The following CRYGN variants were observed in gnomAD, a reference collection of about 807,000 sequenced individuals.
CRYGN encodes gamma-crystallin N.
In CRYGN, 17 loss-of-function variants were observed where a neutral mutation model predicts 19.2. That is an observed-to-expected ratio of 0.89 (90% CI 0.61 to 1.33). CRYGN has a LOEUF of 1.33. Among genes scored for constraint, CRYGN ranks in the 40% most tolerant of loss-of-function variants. CRYGN has a pLI of 0.00. For synonymous variants in CRYGN, 84 were observed against 85.8 expected, an observed-to-expected ratio of 0.98 and a Z score of 0.12; for missense variants, 239 against 239.6, an observed-to-expected ratio of 1.00 and a Z score of 0.02.
rs1801568178 is a variant in CRYGN at position 151,435,059 on chromosome 7, G to A, written c.416+1121C>T. Among the ~76,000 whole-genome samples, 1 of 152,248 alleles carries A rather than the reference G, an allele frequency of 6.6e-6. No individual in the cohort carries two copies. Among genetic ancestry groups the A allele is most frequent in the African/African-American group, 2.4e-5 (1 of 41,460 alleles). ...CTGTGCGGTTGGAGCCCATGGACAT[G>A]GGGTACCACCTGTGCCCAGCTCTGC... On this transcript the variant is annotated intron_variant, in intron 3 of 3. Transcript: ENST00000337323. The surrounding 1 kb of genome is among the most constrained non-coding windows in gnomAD (Gnocchi z 4.2).
rs547847151 is a variant in CRYGN at position 151,436,507 on chromosome 7, G to A, written c.271-182C>T. ...CACATGAGATGTGGTTGGAAGAAAG[G>A]GTTCTATTACTCTGAAAATGTTCCA... On this transcript the variant is annotated intron_variant, in intron 2 of 3. Coordinates refer to ENST00000337323, the MANE Select transcript of CRYGN (RefSeq NM_144727.3). This position sits in a 1 kb window ranked among gnomAD's most constrained non-coding sequence, Gnocchi z 5.1. Among the ~76,000 whole-genome samples the A allele has an allele frequency of 3.0e-4, 46 of 152,194 alleles. No homozygotes were observed. The highest frequency in any genetic ancestry group is 1.0e-3 in the African/African-American group (43 of 41,516).
In CRYGN at chr7:151,436,346, G is replaced by C. The variant is rs1457312710; in HGVS notation, c.271-21C>G. The C allele has an allele frequency of 2.0e-6, 3 of 1,501,368 alleles. No homozygotes were observed. The South Asian group carries it at 4.0e-5, about 20-fold the overall frequency. 93.0% of individuals were successfully genotyped at this position (1,501,368 alleles called of 1,614,324 possible). The stretch of plus-strand genomic sequence containing the variant: ...CCGTGCTCCAAGACCAAGCAAAAAA[G>C]AAGGAAAGAAGGAGGTTGCTGTGAA... On this transcript the variant is annotated intron_variant, in intron 2 of 3. Coordinates refer to ENST00000337323, the MANE Select transcript of CRYGN (RefSeq NM_144727.3). This position sits in a 1 kb window ranked among gnomAD's most constrained non-coding sequence, Gnocchi z 5.1.
At chr7:151,437,871 C>T in intron 2 of CRYGN, 125 bp downstream of exon 2, 1 of 1,549,250 alleles carries the variant, frequency 6.5e-7, no homozygotes, top group Non-Finnish European at 8.7e-7. Flanking sequence ...GGTATAGCTC[C>T]TTCAGTCTTA....
intron 1 of CRYGN, among the ~76,000 whole-genome samples, chr7:151,439,590 G>A (rs1801708516): frequency 6.6e-6 from 1 of 152,154 alleles, no homozygotes; most frequent in East Asian, 1.9e-4. Flanking sequence ...GGGGCGGAGG[G>A]CTGTGGGACA....
rs922189330 is a variant in CRYGN, at chr7:151,431,836, G to A, written c.417-1656C>T. The A allele has an allele frequency of 3.4e-5, 7 of 206,542 alleles. No individual in the cohort carries two copies. The highest frequency in any genetic ancestry group is 6.7e-5 in the Non-Finnish European group (7 of 103,736). 12.8% of individuals were successfully genotyped at this position (206,542 alleles called of 1,614,324 possible). On this transcript the variant is annotated intron_variant, in intron 3 of 3. Transcript: ENST00000337323. This position sits in a 1 kb window ranked among gnomAD's most constrained non-coding sequence, Gnocchi z 4.8. ...GCCTCACCTTGCCGAGTCACAGAGA[G>A]GCAGAGCCCCAAGCGAGCCTGGGGA...
chr7:151,433,220 GC>G lies in CRYGN; in HGVS notation c.416+2959del, dbSNP rs1201027598. On this transcript the variant is annotated intron_variant, in intron 3 of 3. Transcript: ENST00000337323. This position sits in a 1 kb window ranked among gnomAD's most constrained non-coding sequence, Gnocchi z 5.1. Reference sequence around the variant, plus strand: ...CCTGGAGGACCTCGGGCTGGTGGGGGCAGGAGAGAACACAGCTCTTCATCAC... The same window carrying G: ...CCTGGAGGACCTCGGGCTGGTGGGGGAGGAGAGAACACAGCTCTTCATCAC... Among the ~76,000 whole-genome samples the G allele has an allele frequency of 2.0e-5, 3 of 152,248 alleles. No homozygotes were observed. The highest frequency in any genetic ancestry group is 7.2e-5 in the African/African-American group (3 of 41,466).
rs542873494 is a variant in CRYGN, at chr7:151,430,824, G to A, written c.417-644C>T. Among the ~76,000 whole-genome samples, 6 of 152,304 alleles carry A rather than the reference G, an allele frequency of 3.9e-5. No homozygotes were observed. The highest frequency in any genetic ancestry group is 2.1e-4 in the South Asian group (1 of 4,824). On this transcript the variant is annotated intron_variant, in intron 3 of 3. Transcript: ENST00000337323. The surrounding 1 kb of genome is among the most constrained non-coding windows in gnomAD (Gnocchi z 5.2). ...GGACCCGGGAACTGAGAGGCCAGTCGGGAGCCAGTTGGTTGGGGGGACTCT... is the reference window on the plus strand; with the variant it reads ...GGACCCGGGAACTGAGAGGCCAGTCAGGAGCCAGTTGGTTGGGGGGACTCT...
chr7:151,433,307 A>G lies in CRYGN; in HGVS notation c.416+2873T>C, dbSNP rs1801516042. Reference sequence around the variant, plus strand: ...AGGTGCGGTGGGGAGGGAACGGGGGACCAGGAGGAAGGGACTGGAGGTCCA... The same window carrying G: ...AGGTGCGGTGGGGAGGGAACGGGGGGCCAGGAGGAAGGGACTGGAGGTCCA... On this transcript the variant is annotated intron_variant, in intron 3 of 3. Coordinates refer to ENST00000337323, the MANE Select transcript of CRYGN (RefSeq NM_144727.3). The surrounding 1 kb of genome is among the most constrained non-coding windows in gnomAD (Gnocchi z 5.1). 6.6e-6 allele frequency among the ~76,000 whole-genome samples: 1 copy of G among 152,164 alleles called. No homozygotes were observed. Among genetic ancestry groups the G allele is most frequent in the Non-Finnish European group, 1.5e-5 (1 of 68,012 alleles).
Position 151,431,010 on chromosome 7 carries a change from T to C in CRYGN, c.417-830A>G, listed in dbSNP as rs1328362254. Among the ~76,000 whole-genome samples, 3 of 152,186 alleles carry C rather than the reference T, an allele frequency of 2.0e-5. No homozygotes were observed. The highest frequency in any genetic ancestry group is 7.2e-5 in the African/African-American group (3 of 41,448). The stretch of plus-strand genomic sequence containing the variant: ...AGGCCATGTGGACATCTTTGGGGTC[T>C]CCATGTCCAGGAGCCCCCATGCTCA... On this transcript the variant is annotated intron_variant, in intron 3 of 3. Coordinates refer to ENST00000337323, the MANE Select transcript of CRYGN (RefSeq NM_144727.3). The surrounding 1 kb of genome is among the most constrained non-coding windows in gnomAD (Gnocchi z 4.8).
chr7:151,436,416 G>T lies in CRYGN; in HGVS notation c.271-91C>A. 1 of 1,324,526 alleles carries T rather than the reference G, an allele frequency of 7.5e-7. No homozygotes were observed. Among genetic ancestry groups the T allele is most frequent in the Non-Finnish European group, 1.0e-6 (1 of 993,894 alleles). The allele number at this position is 1,324,526 out of a possible 1,614,324, so 82.0% of individuals were successfully genotyped here. On this transcript the variant is annotated intron_variant, in intron 2 of 3. Coordinates refer to ENST00000337323, the MANE Select transcript of CRYGN (RefSeq NM_144727.3). This position sits in a 1 kb window ranked among gnomAD's most constrained non-coding sequence, Gnocchi z 5.1. ...GAAGCCCCATGCAGGAAGGAATTAG[G>T]AGGTACCCAAGGCACTGGGCACCCC...
intron 2 of CRYGN, 29 bp downstream of exon 2, chr7:151,437,967 C>T (rs376098544): frequency 1.1e-5 from 18 of 1,609,468 alleles, no homozygotes; most frequent in Non-Finnish European, 1.4e-5. Context: ...AGCAGGAAGA[C>T]TCAGCCTTCG....
chr7:151,437,906 C>G, intron 2 of CRYGN, 90 bp downstream of exon 2: 1 of 1,594,430 alleles, frequency 6.3e-7, no homozygotes, highest in African/African-American at 1.3e-5. Flanking sequence ...GGGAGGACCA[C>G]GCTCCCCGAT....
At position 151,430,538 on chromosome 7, in the gene CRYGN, C is replaced by T. The variant is rs1801439825; in HGVS notation, c.417-358G>A. On this transcript the variant is annotated intron_variant, in intron 3 of 3. Transcript: ENST00000337323. This position sits in a 1 kb window ranked among gnomAD's most constrained non-coding sequence, Gnocchi z 5.2. ...CAGCCATCCCCTGGCCCACCACACT[C>T]AGGCCACCACACTGTGCGACAGAAT... 6.6e-6 allele frequency among the ~76,000 whole-genome samples: 1 copy of T among 152,142 alleles called. No individual in the cohort carries two copies. Among genetic ancestry groups the T allele is most frequent in the Non-Finnish European group, 1.5e-5 (1 of 68,030 alleles).
Position 151,435,341 on chromosome 7 carries a change from C to G in CRYGN, c.416+839G>C, listed in dbSNP as rs1488584458. Among the ~76,000 whole-genome samples, 3 of 152,228 alleles carry G rather than the reference C, an allele frequency of 2.0e-5. No individual in the cohort carries two copies. The highest frequency in any genetic ancestry group is 1.3e-4 in the Admixed American group (2 of 15,284). Reference sequence around the variant, plus strand: ...GCTGCAGTCTCAGCTGTGCCACTCCCACGGGGCGGCCGGGCAGTCAGCCTT... The same window carrying G: ...GCTGCAGTCTCAGCTGTGCCACTCCGACGGGGCGGCCGGGCAGTCAGCCTT... On this transcript the variant is annotated intron_variant, in intron 3 of 3. Transcript: ENST00000337323. This position sits in a 1 kb window ranked among gnomAD's most constrained non-coding sequence, Gnocchi z 4.2.
At position 151,436,184 on chromosome 7, in the gene CRYGN, C is replaced by T. The variant is rs763843334; in HGVS notation, c.412G>A (p.Gly138Arg). 1.5e-5 allele frequency: 22 copies of T among 1,501,850 alleles called. No homozygotes were observed. The highest frequency in any genetic ancestry group is 3.5e-4 in the Middle Eastern group (2 of 5,724). 93.0% of individuals were successfully genotyped at this position (1,501,850 alleles called of 1,614,324 possible). ...GGCCACGTGGCCTGTACTCACGCTCCGTCCCCGTACACCTTGATGGTGTTC... is the reference window on the plus strand; with the variant it reads ...GGCCACGTGGCCTGTACTCACGCTCTGTCCCCGTACACCTTGATGGTGTTC... ...CVNTIKVYGDGAAWSPRSFGA... is the reference protein window; with the variant it reads ...CVNTIKVYGDRAAWSPRSFGA... The change falls in exon 3 of 4, where the codon GGA (glycine) becomes AGA (arginine). Residue 138 changes from glycine to arginine, a missense_variant. Gly to Arg is a moderately radical substitution (Grantham distance 125, BLOSUM62 -2). Transcript: ENST00000337323. This position sits in a 1 kb window ranked among gnomAD's most constrained non-coding sequence, Gnocchi z 5.1.
rs985537616 is a variant in CRYGN, at chr7:151,433,175, C to T, written c.417-2995G>A. On this transcript the variant is annotated intron_variant, in intron 3 of 3. Transcript: ENST00000337323. The surrounding 1 kb of genome is among the most constrained non-coding windows in gnomAD (Gnocchi z 5.1). ...CAACAACCCAGAGAGCAGAAACAGT[C>T]AGGACAAGTCTTTACAGAGCCTGGA... Among the ~76,000 whole-genome samples, 3 of 152,222 alleles carry T rather than the reference C, an allele frequency of 2.0e-5. No individual in the cohort carries two copies. Among genetic ancestry groups the T allele is most frequent in the African/African-American group, 7.2e-5 (3 of 41,458 alleles).
upstream of CRYGN, chr7:151,440,200 C>A (rs769298749): frequency 4.3e-5 from 40 of 940,498 alleles, no homozygotes; most frequent in Non-Finnish European, 5.2e-5. Context: ...TGCCCCTGCC[C>A]TGCCCTGGAG....
In CRYGN at chr7:151,436,993, T is replaced by G. The variant is rs562790646; in HGVS notation, c.271-668A>C. 6.6e-6 allele frequency: 1 copy of G among 152,176 alleles called. No individual in the cohort carries two copies. Among genetic ancestry groups the G allele is most frequent in the East Asian group, 1.9e-4 (1 of 5,146 alleles). The allele number at this position is 152,176 out of a possible 1,614,324, so 9.4% of individuals were successfully genotyped here. On this transcript the variant is annotated intron_variant, in intron 2 of 3. Transcript: ENST00000337323. The surrounding 1 kb of genome is among the most constrained non-coding windows in gnomAD (Gnocchi z 5.1). ...GTCACAGCTGGCCCCAGGCTAGCTCTTAGGAGAACAGCAGTTCGCAAGATA... is the reference window on the plus strand; with the variant it reads ...GTCACAGCTGGCCCCAGGCTAGCTCGTAGGAGAACAGCAGTTCGCAAGATA...
At position 151,433,836 on chromosome 7, in the gene CRYGN, G is replaced by T. The variant is rs1349388448; in HGVS notation, c.416+2344C>A. 6.6e-6 allele frequency among the ~76,000 whole-genome samples: 1 copy of T among 152,240 alleles called. No individual in the cohort carries two copies. The highest frequency in any genetic ancestry group is 6.5e-5 in the Admixed American group (1 of 15,284). On this transcript the variant is annotated intron_variant, in intron 3 of 3. Coordinates refer to ENST00000337323, the MANE Select transcript of CRYGN (RefSeq NM_144727.3). This position sits in a 1 kb window ranked among gnomAD's most constrained non-coding sequence, Gnocchi z 5.1. ...GTCCTGGCTGTGGCTACTGGGAGGA[G>T]GCAGACAGAGGAAAGGGCAGGGGCC...
Sources: allele counts gnomAD v4.1 joint callset (sites outside exome capture counted in the v4.1 genomes callset), GRCh38; gene constraint gnomAD v4.1.1; non-coding constraint Gnocchi (gnomAD v3.1); transcripts MANE v1.5; gene names NCBI Gene and HGNC (gene_info 2026-07-23, HGNC 2026-07-21).